The following CNTNAP2 variants were observed in gnomAD, a reference collection of about 807,000 sequenced individuals.
The protein encoded by CNTNAP2 is contactin associated protein 2, also known as contactin-associated protein-like 2.
In CNTNAP2, 98 loss-of-function variants were observed where a neutral mutation model predicts 155.2. That is an observed-to-expected ratio of 0.63 (90% confidence interval 0.54 to 0.75). The LOEUF (loss-of-function observed/expected upper bound fraction) is 0.75. Ranked by LOEUF, CNTNAP2 falls within the 30% of genes least tolerant of loss-of-function variation. The pLI is 0.00. For missense variants in CNTNAP2, 1,727 were observed against 1,688.1 expected, an observed-to-expected ratio of 1.02 and a Z score of -0.40; for synonymous variants, 651 against 631.2, an observed-to-expected ratio of 1.03 and a Z score of -0.47.
At chr7:147,882,533 G>A (rs1182692726) in intron 13 of CNTNAP2, among the ~76,000 whole-genome samples, 1 of 152,162 alleles carries the variant, frequency 6.6e-6, no homozygotes, top group African/African-American at 2.4e-5. Context: ...CATTACCCTT[G>A]CAGATCTGTA....
intron 21 of CNTNAP2, among the ~76,000 whole-genome samples, chr7:148,333,300 C>T (rs558079994): frequency 5.9e-4 from 89 of 151,980 alleles, no homozygotes; most frequent in African/African-American, 1.9e-3. Context: ...TGGTGGCACA[C>T]GCCTGTAATC....
At chr7:147,876,013 C>T (rs1799414176) in intron 13 of CNTNAP2, among the ~76,000 whole-genome samples, 2 of 152,268 alleles carry the variant, frequency 1.3e-5, no homozygotes, top group South Asian at 4.2e-4. Context: ...CACTCTGATC[C>T]TATCACTGCA....
chr7:147,930,136 A>G (rs890419774), intron 14 of CNTNAP2, among the ~76,000 whole-genome samples: 2 of 151,384 alleles, frequency 1.3e-5, no homozygotes, highest in Non-Finnish European at 2.9e-5. Flanking sequence ...AAACAGAAAG[A>G]AAAAAAAACA....
At chr7:147,346,183 T>C (rs1795857730) in intron 9 of CNTNAP2, among the ~76,000 whole-genome samples, 1 of 149,142 alleles carries the variant, frequency 6.7e-6, no homozygotes, top group Non-Finnish European at 1.5e-5. Context: ...AGTCTCGCTC[T>C]GTCGTCCAGG....
chr7:146,349,790 A>G (rs927919767), intron 1 of CNTNAP2, among the ~76,000 whole-genome samples: 3 of 152,090 alleles, frequency 2.0e-5, no homozygotes, highest in Non-Finnish European at 2.9e-5. Context: ...AATGTTGAAT[A>G]TTGGCCCCCA....
intron 10 of CNTNAP2, among the ~76,000 whole-genome samples, chr7:147,427,354 G>A (rs143321787): frequency 2.0e-5 from 3 of 152,248 alleles, no homozygotes; most frequent in African/African-American, 7.2e-5. Context: ...GTCTTACCTG[G>A]AAGTATGTGG....
chr7:147,919,459 C>CTTTATTTTTTTTTTTTTTTTTTTTT, intron 14 of CNTNAP2, among the ~76,000 whole-genome samples: 1 of 51,232 alleles, frequency 2.0e-5, no homozygotes, highest in Admixed American at 3.0e-4. Flanking sequence ...CTTTTTCTTT[C>CTTTATTTTTTTTTTTTTTTTTTTTT]TTTTTTTTTT....
intron 4 of CNTNAP2, among the ~76,000 whole-genome samples, chr7:147,084,780 CATG>C (rs1037964840): frequency 2.0e-4 from 30 of 146,392 alleles, no homozygotes; most frequent in African/African-American, 4.7e-4. Flanking sequence ...TAATATGTAA[CATG>C]ATGATGTAAT....
At chr7:148,033,439 C>T (rs1421310404) in intron 15 of CNTNAP2, among the ~76,000 whole-genome samples, 1 of 151,448 alleles carries the variant, frequency 6.6e-6, no homozygotes, top group Non-Finnish European at 1.5e-5. Context: ...TGGTTTGCTG[C>T]ACCTATTGAC....
chr7:147,637,052 A>T (rs1584871650), intron 12 of CNTNAP2, among the ~76,000 whole-genome samples: 1 of 152,226 alleles, frequency 6.6e-6, no homozygotes, highest in East Asian at 1.9e-4. Context: ...GCAAGGAGGG[A>T]GGATTGACAT....
chr7:148,144,989 G>A (rs1396580855), intron 16 of CNTNAP2, among the ~76,000 whole-genome samples: 1 of 152,114 alleles, frequency 6.6e-6, no homozygotes, highest in African/African-American at 2.4e-5. Context: ...CTGGGGGATG[G>A]GATTTCTCAA....
intron 15 of CNTNAP2, among the ~76,000 whole-genome samples, chr7:148,052,574 C>T (rs1048634593): frequency 2.6e-5 from 4 of 152,100 alleles, no homozygotes; most frequent in Non-Finnish European, 5.9e-5. Flanking sequence ...AGGATTTTCA[C>T]CTCTAAAATT....
At chr7:146,562,363 A>G (rs1312681550) in intron 1 of CNTNAP2, among the ~76,000 whole-genome samples, 2 of 152,136 alleles carry the variant, frequency 1.3e-5, no homozygotes, top group East Asian at 1.9e-4. Context: ...TCTTCCATTA[A>G]TTAAAACTTG....
intron 11 of CNTNAP2, among the ~76,000 whole-genome samples, chr7:147,488,865 C>T (rs1164708139): frequency 1.3e-5 from 2 of 152,200 alleles, no homozygotes; most frequent in African/African-American, 4.8e-5. Flanking sequence ...AGATAATTAA[C>T]AGTGCTCACC....
At chr7:148,003,579 G>A (rs1275199199) in intron 15 of CNTNAP2, among the ~76,000 whole-genome samples, 1 of 152,096 alleles carries the variant, frequency 6.6e-6, no homozygotes, top group Non-Finnish European at 1.5e-5. Flanking sequence ...GGTCAAGACT[G>A]GGGAAAAAGA....
chr7:147,286,975 A>G (rs542553156), intron 8 of CNTNAP2, among the ~76,000 whole-genome samples: 3 of 152,224 alleles, frequency 2.0e-5, no homozygotes, highest in Non-Finnish European at 4.4e-5. Flanking sequence ...CCACTCTCTC[A>G]GTAATCTTTC....
intron 12 of CNTNAP2, among the ~76,000 whole-genome samples, chr7:147,578,207 A>G (rs1800432755): frequency 1.3e-5 from 2 of 152,276 alleles, no homozygotes; most frequent in South Asian, 4.1e-4. Context: ...AATGGAAAGT[A>G]AAGGAATGAA....
chr7:147,658,291 C>G (rs892260264), intron 13 of CNTNAP2, among the ~76,000 whole-genome samples: 3 of 151,564 alleles, frequency 2.0e-5, no homozygotes, highest in Non-Finnish European at 4.4e-5. Context: ...CCGACCTTAC[C>G]TTAATGAATT....
At chr7:146,720,024 T>C (rs2129176891) in intron 1 of CNTNAP2, among the ~76,000 whole-genome samples, 1 of 152,176 alleles carries the variant, frequency 6.6e-6, no homozygotes, top group East Asian at 1.9e-4. Flanking sequence ...GCAAGTACTG[T>C]TTTTTTGGTT....
Sources: allele counts gnomAD v4.1 joint callset (sites outside exome capture counted in the v4.1 genomes callset), GRCh38; gene constraint gnomAD v4.1.1; transcripts MANE v1.5; gene names NCBI Gene and HGNC (gene_info 2026-07-23, HGNC 2026-07-21).